The following PPM1A variants were observed in gnomAD, a reference collection of about 807,000 sequenced individuals.
PPM1A encodes the protein protein phosphatase 1A.
In PPM1A, 7 loss-of-function variants were observed where a neutral mutation model predicts 35.0. The observed-to-expected ratio is 0.20, with a 90% CI of 0.11 to 0.38. The LOEUF (loss-of-function observed/expected upper bound fraction) is 0.38, where lower values mean the gene tolerates loss of function less well. Ranked by LOEUF, PPM1A falls within the 10% of genes least tolerant of loss-of-function variation. PPM1A has a pLI of 1.00. For synonymous variants in PPM1A, 153 were observed against 167.3 expected, an observed-to-expected ratio of 0.91 and a Z score of 0.66; for missense variants, 239 against 467.8, an observed-to-expected ratio of 0.51 and a Z score of 4.51.
rs183200752 is a variant in PPM1A at position 60,256,516 on chromosome 14, G to A, written c.-21+6839G>A. Reference sequence around the variant, plus strand: ...TAATTTCATATAGTCAGTCAGTGCCGGCTTAGATCCATTTGTTAGAGAACA... The same window carrying A: ...TAATTTCATATAGTCAGTCAGTGCCAGCTTAGATCCATTTGTTAGAGAACA... On this transcript the variant is annotated intron_variant, in intron 1 of 5. Coordinates refer to ENST00000395076, the MANE Select transcript of PPM1A (RefSeq NM_021003.5). 6.6e-4 allele frequency among the ~76,000 whole-genome samples: 101 copies of A among 152,218 alleles called. 1 individual carries two copies. The East Asian group carries it at 0.017, about 26-fold the overall frequency.
rs1049717996 is a variant in PPM1A at position 60,295,114 on chromosome 14, A to G, written c.*2632A>G. ...TTGATGTGTTCTGTTCTTTGGAGGG[A>G]AAAAGTTCTTATGTGATGATAATAT... On this transcript the variant is annotated 3_prime_UTR_variant, in exon 6 of 6. Transcript: ENST00000395076. The G allele has an allele frequency of 6.6e-6, 1 of 151,722 alleles. No homozygotes were observed. Among genetic ancestry groups the G allele is most frequent in the Middle Eastern group, 3.2e-3 (1 of 316 alleles). The allele number at this position is 151,722 out of a possible 1,614,324, so 9.4% of individuals were successfully genotyped here.
rs761391109 is a variant in PPM1A, at chr14:60,291,444, A to G, written c.1109A>G (p.Asn370Ser). The change falls in exon 5 of 6, where the codon AAT becomes AGT. Residue 370 changes from asparagine to serine, a missense_variant. Coordinates refer to ENST00000395076, the MANE Select transcript of PPM1A (RefSeq NM_021003.5). ...AVYNRLNPYKNDDTDSTSTDD... is the reference protein window; with the variant it reads ...AVYNRLNPYKSDDTDSTSTDD... ...TACAATAGACTGAATCCTTACAAAAATGACGACACTGTAAGTAGCATTTTA... is the reference window on the plus strand; with the variant it reads ...TACAATAGACTGAATCCTTACAAAAGTGACGACACTGTAAGTAGCATTTTA... The G allele has an allele frequency of 1.9e-6, 3 of 1,576,228 alleles. No individual in the cohort carries two copies. Among genetic ancestry groups the G allele is most frequent in the South Asian group, 2.3e-5 (2 of 86,350 alleles).
Position 60,292,156 on chromosome 14 carries a change from T to G in PPM1A, c.1120-297T>G, listed in dbSNP as rs1405455796. On this transcript the variant is annotated intron_variant, in intron 5 of 5. Coordinates refer to ENST00000395076, the MANE Select transcript of PPM1A (RefSeq NM_021003.5). This position sits in a 1 kb window ranked among gnomAD's most constrained non-coding sequence, Gnocchi z 4.2. ...GTGGTATTCTAAAACTGTATTGGAT[T>G]TCATTAAAAAATTCTTTTTAGTAGA... is the stretch of plus-strand genomic sequence containing the variant. Among the ~76,000 whole-genome samples the G allele has an allele frequency of 2.0e-5, 3 of 152,132 alleles. No individual in the cohort carries two copies. Among genetic ancestry groups the G allele is most frequent in the African/African-American group, 4.8e-5 (2 of 41,416 alleles).
intron 1 of PPM1A, among the ~76,000 whole-genome samples, chr14:60,280,416 T>C (rs1886270462): frequency 6.6e-6 from 1 of 152,242 alleles, no homozygotes. Flanking sequence ...TGGTCTAATT[T>C]CATAACTTAT....
intron 3 of PPM1A, chr14:60,285,976 T>C: frequency 8.6e-7 from 1 of 1,159,728 alleles, no homozygotes; most frequent in Non-Finnish European, 1.1e-6. Flanking sequence ...TTCAGGATAC[T>C]TTTGTTTTAA....
intron 1 of PPM1A, among the ~76,000 whole-genome samples, chr14:60,252,512 A>G (rs553139371): frequency 5.9e-5 from 9 of 152,334 alleles, no homozygotes; most frequent in African/African-American, 2.2e-4. Context: ...GCCCTGTGAA[A>G]TATATAAACC....
chr14:60,252,361 G>C (rs1181631950), intron 1 of PPM1A, among the ~76,000 whole-genome samples: 1 of 152,138 alleles, frequency 6.6e-6, no homozygotes, highest in South Asian at 2.1e-4. Context: ...TCTAACTCTT[G>C]CCTGGGCACC....
intron 1 of PPM1A, among the ~76,000 whole-genome samples, chr14:60,258,137 C>A (rs1322994106): frequency 1.3e-5 from 2 of 151,964 alleles, no homozygotes; most frequent in Non-Finnish European, 2.9e-5. Context: ...AACTAGTCAG[C>A]CATCTAGTGT....
At chr14:60,291,230 G>A (rs747112418) in intron 4 of PPM1A, among the ~76,000 whole-genome samples, 167 bp from the exon 5 acceptor site, 1 of 151,844 alleles carries the variant, frequency 6.6e-6, no homozygotes, top group African/African-American at 2.4e-5. Flanking sequence ...TAACATAGGA[G>A]CCCAAATATC....
rs990664480 is a variant in PPM1A, at chr14:60,277,076, A to T, written c.-20-5608A>T. ...GATGAGACTCAGCTTGTACTCAAGA[A>T]CAGATTTATGACTAGGTGAGAACTA... is the stretch of plus-strand genomic sequence containing the variant. On this transcript the variant is annotated intron_variant, in intron 1 of 5. Transcript: ENST00000395076. 9 of 1,193,354 alleles carry T rather than the reference A, an allele frequency of 7.5e-6. No homozygotes were observed. The African/African-American group carries it at 1.3e-4, about 17-fold the overall frequency. 73.9% of individuals were successfully genotyped at this position (1,193,354 alleles called of 1,614,324 possible).
chr14:60,285,692 A>C lies in PPM1A; in HGVS notation c.903A>C (p.Ala301=). Residue 301 remains alanine, a synonymous_variant, in exon 3 of 6, where the codon GCA becomes GCC. Transcript: ENST00000395076. Reference sequence around the variant, plus strand: ...ATGCACCCAAAGTATCGCCAGAAGCAGTGAAGAAGGAGGCAGAGTTGGACA... The same window carrying C: ...ATGCACCCAAAGTATCGCCAGAAGCCGTGAAGAAGGAGGCAGAGTTGGACA... ...FPNAPKVSPE[A]VKKEAELDKY... is the part of the protein sequence containing the mutation. 1 of 1,614,146 alleles carries C rather than the reference A, an allele frequency of 6.2e-7. No homozygotes were observed. Among genetic ancestry groups the C allele is most frequent in the Non-Finnish European group, 8.5e-7 (1 of 1,179,976 alleles).
chr14:60,249,208 G>T (rs980608067), upstream of PPM1A: 1 of 987,120 alleles, frequency 1.0e-6, no homozygotes, highest in Non-Finnish European at 1.2e-6. This position sits in a 1 kb window ranked among gnomAD's most constrained non-coding sequence, Gnocchi z 4.5. Flanking sequence ...GCGCGCCTGC[G>T]CGGGGCCGCG....
Position 60,255,171 on chromosome 14 carries a change from T to G in PPM1A, c.-21+5494T>G, listed in dbSNP as rs549376156. Among the ~76,000 whole-genome samples the G allele has an allele frequency of 7.8e-4, 81 of 103,364 alleles. 2 individuals are homozygous for G. Among genetic ancestry groups the G allele is most frequent in the South Asian group, 1.2e-3 (4 of 3,332 alleles). 67.8% of individuals were successfully genotyped at this position (103,364 alleles called of 152,430 possible). ...ATTTCTATCATATGTTTTTTTTTTTTTTGTTTTGTTTTGTTTTTGAGACAG... is the reference window on the plus strand; with the variant it reads ...ATTTCTATCATATGTTTTTTTTTTTGTTGTTTTGTTTTGTTTTTGAGACAG... On this transcript the variant is annotated intron_variant, in intron 1 of 5. Coordinates refer to ENST00000395076, the MANE Select transcript of PPM1A (RefSeq NM_021003.5).
chr14:60,273,524 A>G lies in PPM1A; in HGVS notation c.-20-9160A>G, dbSNP rs576109940. On this transcript the variant is annotated intron_variant, in intron 1 of 5. Transcript: ENST00000395076. The surrounding 1 kb of genome is among the most constrained non-coding windows in gnomAD (Gnocchi z 4.3). ...TGTGAGCCATATTAAGCAGTTATTTATCCACCTCCTACCCCCAGCAGTGGA... is the reference window on the plus strand; with the variant it reads ...TGTGAGCCATATTAAGCAGTTATTTGTCCACCTCCTACCCCCAGCAGTGGA... Among the ~76,000 whole-genome samples the G allele has an allele frequency of 6.6e-6, 1 of 152,272 alleles. No individual in the cohort carries two copies. Among genetic ancestry groups the G allele is most frequent in the South Asian group, 2.1e-4 (1 of 4,826 alleles).
rs1477385839 is a variant in PPM1A, at chr14:60,289,801, C to T, written c.953-5C>T. The T allele has an allele frequency of 2.5e-6, 4 of 1,593,560 alleles. No individual in the cohort carries two copies. The highest frequency in any genetic ancestry group is 4.5e-5 in the East Asian group (2 of 44,434). ...ACTTACAAAAAAAGTACTTCTGATT[C>T]CCAGAAATCATAAAGAAGCAGGGGG... On this transcript the variant is annotated splice_polypyrimidine_tract_variant and splice_region_variant and intron_variant, in intron 3 of 5. Coordinates refer to ENST00000395076, the MANE Select transcript of PPM1A (RefSeq NM_021003.5). This position sits in a 1 kb window ranked among gnomAD's most constrained non-coding sequence, Gnocchi z 4.1.
intron 1 of PPM1A, among the ~76,000 whole-genome samples, chr14:60,275,844 C>CTTT (rs531960264): frequency 1.5e-3 from 195 of 130,430 alleles, no homozygotes; most frequent in African/African-American, 4.0e-3. Flanking sequence ...AAAGATTAGC[C>CTTT]TTTTTTTTTT....
chr14:60,285,215 A>C (rs140494439), intron 2 of PPM1A, among the ~76,000 whole-genome samples: 2 of 152,230 alleles, frequency 1.3e-5, no homozygotes, highest in Non-Finnish European at 2.9e-5. Flanking sequence ...GTCAAATCCT[A>C]TTGTAAACAA....
In PPM1A at chr14:60,275,844, CTTT is replaced by C. The variant is rs531960264; in HGVS notation, c.-20-6822_-20-6820del. Among the ~76,000 whole-genome samples, 123 of 130,422 alleles carry C rather than the reference CTTT, an allele frequency of 9.4e-4. 1 individual carries two copies. The highest frequency in any genetic ancestry group is 1.3e-3 in the African/African-American group (46 of 35,652). 85.6% of individuals were successfully genotyped at this position (130,422 alleles called of 152,430 possible). A position where few individuals can be genotyped will look rare whatever the true frequency, so the allele number is the denominator to read the frequency against. ...GGGAGAAAAATTTCCAAAGATTAGC[CTTT>C]TTTTTTTTTTTTTTTTTACAGATTT... is the stretch of plus-strand genomic sequence containing the variant. On this transcript the variant is annotated intron_variant, in intron 1 of 5. Coordinates refer to ENST00000395076, the MANE Select transcript of PPM1A (RefSeq NM_021003.5).
chr14:60,288,516 A>C, intron 3 of PPM1A: 1 of 984,412 alleles, frequency 1.0e-6, no homozygotes. Context: ...AATATACTAG[A>C]TGTTAAAGAT....
Sources: allele counts gnomAD v4.1 joint callset (sites outside exome capture counted in the v4.1 genomes callset), GRCh38; gene constraint gnomAD v4.1.1; non-coding constraint Gnocchi (gnomAD v3.1); transcripts MANE v1.5; gene names NCBI Gene and HGNC (gene_info 2026-07-23, HGNC 2026-07-21).